Variants in EIF2AK3 observed in about 807,000 individuals in gnomAD.
EIF2AK3 encodes the protein eukaryotic translation initiation factor 2 alpha kinase 3.
Under a neutral mutation model 113.5 loss-of-function variants are expected in EIF2AK3, and 50 were observed. That is an observed-to-expected ratio of 0.44 (90% CI 0.35 to 0.56). The LOEUF (loss-of-function observed/expected upper bound fraction) is 0.56. Ranked by LOEUF, EIF2AK3 falls within the 20% of genes least tolerant of loss-of-function variation. The probability of loss-of-function intolerance (pLI) is 0.00; values close to 1 mark genes in which losing one functional copy is unlikely to be tolerated. For synonymous variants in EIF2AK3, 448 were observed against 495.4 expected, an observed-to-expected ratio of 0.90 and a Z score of 1.27; for missense variants, 1,185 against 1,378.0, an observed-to-expected ratio of 0.86 and a Z score of 2.22.
rs199822416 is a variant in EIF2AK3, at chr2:88,590,463, G to A, written c.1145C>T (p.Thr382Ile). ...CTCACCCAAGTAAACACTGTTTTCTGTGGCTCCTCTGGCAGCTTCTACAAT... is the reference window on the plus strand; with the variant it reads ...CTCACCCAAGTAAACACTGTTTTCTATGGCTCCTCTGGCAGCTTCTACAAT... ...EDIVEAARGA[T>I]ENSVYLGMYR... is the part of the protein sequence containing the mutation. Residue 382 changes from threonine (T) to isoleucine (I), a missense_variant, in exon 6 of 17, where the codon ACA becomes ATA. Physicochemically the swap from Thr to Ile is moderately conservative, Grantham distance 89. Around this residue, in one of 3 missense-constraint regions of EIF2AK3, gnomAD observed 877 missense variants for 1,024.2 expected, o/e 0.86. Coordinates refer to ENST00000303236, the MANE Select transcript of EIF2AK3 (RefSeq NM_004836.7). 1 of 1,613,862 alleles carries A rather than the reference G, an allele frequency of 6.2e-7. No homozygotes were observed. The highest frequency in any genetic ancestry group is 2.2e-5 in the East Asian group (1 of 44,844).
At chr2:88,565,894 C>A (rs1301619619) in intron 14 of EIF2AK3, among the ~76,000 whole-genome samples, 1 of 152,150 alleles carries the variant, frequency 6.6e-6, no homozygotes, top group African/African-American at 2.4e-5. Context: ...ATTACCAGGG[C>A]CAATAGATTT....
At chr2:88,574,585 C>A in intron 13 of EIF2AK3, 81 bp downstream of exon 13, 1 of 1,520,134 alleles carries the variant, frequency 6.6e-7, no homozygotes. Flanking sequence ...TCTTAAGGAT[C>A]CTTCAGAGTA....
At chr2:88,563,309 A>AGCCT (rs749498029) in intron 14 of EIF2AK3, among the ~76,000 whole-genome samples, 9 of 152,172 alleles carry the variant, frequency 5.9e-5, no homozygotes, top group Non-Finnish European at 1.3e-4. Flanking sequence ...CCTTCTGCGC[A>AGCCT]GCCTGCCTGC....
At position 88,588,898 on chromosome 2, in the gene EIF2AK3, A is replaced by G. The variant is rs1253554833; in HGVS notation, c.1169T>C (p.Met390Thr). 1.2e-6 allele frequency: 2 copies of G among 1,613,606 alleles called. No homozygotes were observed. Among genetic ancestry groups the G allele is most frequent in the Admixed American group, 3.3e-5 (2 of 60,022 alleles). Residue 390 changes from methionine to threonine, a missense_variant, in exon 7 of 17, where the codon ATG becomes ACG. By Grantham distance (81) the Met-to-Thr change is moderately conservative. Coordinates refer to ENST00000303236, the MANE Select transcript of EIF2AK3 (RefSeq NM_004836.7). ...CTGCAGATACAGCTGGCCTCTATAC[A>G]TTCCTGAATCAACCAGAACATTGTC... ...GATENSVYLG[M>T]YRGQLYLQSS...
intron 15 of EIF2AK3, 124 bp from the exon 16 acceptor site, chr2:88,559,103 CTT>C: frequency 3.1e-6 from 2 of 640,318 alleles, no homozygotes; most frequent in Non-Finnish European, 5.4e-6. Flanking sequence ...TTATCAATAG[CTT>C]TTCCTGATTT....
At chr2:88,581,965 T>C (rs1327268050) in intron 10 of EIF2AK3, among the ~76,000 whole-genome samples, 1 of 152,114 alleles carries the variant, frequency 6.6e-6, no homozygotes, top group East Asian at 1.9e-4. Flanking sequence ...GTCTAATATA[T>C]TATAGCATGG....
chr2:88,617,527 C>T (rs143229158), intron 1 of EIF2AK3, among the ~76,000 whole-genome samples: 98 of 151,976 alleles, frequency 6.4e-4, no homozygotes, highest in African/African-American at 2.2e-3. Flanking sequence ...GGGCCAGGTG[C>T]GGTGGCTCAC....
intron 2 of EIF2AK3, among the ~76,000 whole-genome samples, chr2:88,608,695 G>T (rs200095880): frequency 7.7e-4 from 93 of 120,302 alleles, no homozygotes; most frequent in African/African-American, 2.5e-3. Context: ...GGCAGTTTTT[G>T]ATTTCTTTTT....
intron 14 of EIF2AK3, among the ~76,000 whole-genome samples, chr2:88,563,500 TCA>T (rs767741469): frequency 6.6e-6 from 1 of 152,206 alleles, no homozygotes; most frequent in Non-Finnish European, 1.5e-5. Context: ...AAGGACACCC[TCA>T]CACACTATTT....
intron 2 of EIF2AK3, among the ~76,000 whole-genome samples, chr2:88,597,380 T>G (rs1225280906): frequency 1.3e-5 from 2 of 152,192 alleles, no homozygotes; most frequent in African/African-American, 4.8e-5. Context: ...TCTCTTTCAG[T>G]CAGAGTTAAG....
At chr2:88,583,608 G>T in intron 9 of EIF2AK3, 66 bp from the exon 10 acceptor site, 1 of 1,152,950 alleles carries the variant, frequency 8.7e-7, no homozygotes, top group Non-Finnish European at 1.3e-6. Context: ...AACAATTTTA[G>T]GTTATAAAAT....
intron 9 of EIF2AK3, among the ~76,000 whole-genome samples, chr2:88,583,772 G>T (rs1234941217): frequency 2.0e-5 from 3 of 152,082 alleles, no homozygotes; most frequent in African/African-American, 7.2e-5. Context: ...TTTATAATGT[G>T]GGTATGTCAT....
At chr2:88,594,658 C>T (rs1674968739) in intron 3 of EIF2AK3, among the ~76,000 whole-genome samples, 1 of 152,028 alleles carries the variant, frequency 6.6e-6, no homozygotes, top group Admixed American at 6.6e-5. Context: ...AAATGTGACC[C>T]TGGAAGTTTC....
intron 2 of EIF2AK3, among the ~76,000 whole-genome samples, chr2:88,604,100 A>ATTTC (rs1675214906): frequency 2.0e-5 from 3 of 152,142 alleles, no homozygotes; most frequent in African/African-American, 7.2e-5. Context: ...GAGACTAGAA[A>ATTTC]TAGTCTCCCA....
chr2:88,626,876 C>T, intron 1 of EIF2AK3, 91 bp downstream of exon 1: 2 of 1,525,904 alleles, frequency 1.3e-6, no homozygotes, highest in Non-Finnish European at 1.8e-6. Context: ...AAGACGCCCG[C>T]CCGGGTCCCG....
chr2:88,559,634 A>C (rs1673888707), intron 15 of EIF2AK3, among the ~76,000 whole-genome samples: 1 of 152,020 alleles, frequency 6.6e-6, no homozygotes, highest in Non-Finnish European at 1.5e-5. Context: ...GCCATATTAA[A>C]GCACAAAGAA....
intron 2 of EIF2AK3, among the ~76,000 whole-genome samples, chr2:88,596,382 A>G (rs1281633849): frequency 6.6e-6 from 1 of 152,186 alleles, no homozygotes; most frequent in Non-Finnish European, 1.5e-5. Context: ...CAAACAAATC[A>G]CTGCCTTTGT....
chr2:88,579,767 A>G (rs563466878), intron 10 of EIF2AK3, 127 bp from the exon 11 acceptor site: 126 of 854,730 alleles, frequency 1.5e-4, no homozygotes, highest in South Asian at 9.0e-4. Context: ...AATAAATAGT[A>G]TATTTTGAAT....
chr2:88,598,598 A>G (rs926394919), intron 2 of EIF2AK3, among the ~76,000 whole-genome samples: 3 of 152,258 alleles, frequency 2.0e-5, no homozygotes, highest in South Asian at 4.1e-4. Flanking sequence ...CAAAAATGTC[A>G]ATGTCAGATA....
Sources: gnomAD v4.1 joint callset for allele counts (sites outside exome capture counted in the v4.1 genomes callset) on GRCh38, gnomAD v4.1.1 for gene constraint, gnomAD v4.1.1 regional missense constraint, MANE v1.5 for transcripts, NCBI Gene and HGNC (gene_info 2026-07-23, HGNC 2026-07-21) for gene names.